The following NALF1 variants were observed in gnomAD, a reference collection of about 807,000 sequenced individuals.
NALF1 encodes family with sequence similarity 155 member A.
NALF1 carries 3 observed loss-of-function variants against 48.4 expected under a neutral mutation model. The ratio of observed to expected loss-of-function variants is 0.06; its 90% confidence interval spans 0.03 to 0.16. The LOEUF (loss-of-function observed/expected upper bound fraction) is 0.16. Among genes scored for constraint, NALF1 ranks in the 10% least tolerant of loss-of-function variants. The pLI is 1.00. For missense variants in NALF1, 526 were observed against 571.5 expected (o/e 0.92, Z 0.81); for synonymous variants, 262 against 245.7 (o/e 1.07, Z -0.62).
At chr13:107,756,168 T>G (rs1877087486) in intron 1 of NALF1, among the ~76,000 whole-genome samples, 1 of 152,278 alleles carries the variant, frequency 6.6e-6, no homozygotes, top group East Asian at 1.9e-4. Context: ...AATACTAAAT[T>G]ATTATTTCTA....
chr13:107,639,783 T>G (rs1924437), intron 1 of NALF1, among the ~76,000 whole-genome samples: 26,731 of 152,152 alleles, frequency 0.18, 2,576 homozygotes, highest in Middle Eastern at 0.34. Flanking sequence ...CCAGCTCAGG[T>G]CCTTGCTGTG....
In NALF1 at chr13:107,253,223, T is replaced by A. The variant is rs565488069; in HGVS notation, c.916-42468A>T. 2.6e-5 allele frequency among the ~76,000 whole-genome samples: 4 copies of A among 152,126 alleles called. No homozygotes were observed. The East Asian group carries it at 7.7e-4, about 29-fold the overall frequency. On this transcript the variant is annotated intron_variant, in intron 1 of 2. Transcript: ENST00000375915. ...CCTTCTTTCCTTGTTCCTTCTTATA[T>A]ACTTTCAGAGTTATTTCTTATTTCC... is the stretch of plus-strand genomic sequence containing the variant.
chr13:107,178,682 G>C (rs1330141062), intron 2 of NALF1, among the ~76,000 whole-genome samples: 1 of 152,132 alleles, frequency 6.6e-6, no homozygotes, highest in South Asian at 2.1e-4. Context: ...GGTGGCTCAC[G>C]CACCTAATCC....
In NALF1 at chr13:107,618,877, A is replaced by G. The variant is rs148922539; in HGVS notation, c.915+246805T>C. Among the ~76,000 whole-genome samples, 8 of 152,318 alleles carry G rather than the reference A, an allele frequency of 5.3e-5. No individual in the cohort carries two copies. In the East Asian group the frequency reaches 1.2e-3, roughly 22 times the overall value. The stretch of plus-strand genomic sequence containing the variant: ...TTTGGAGATGGGCTAAGATATAGGA[A>G]CAATAGCAAAAGCTAAACAACATAT... On this transcript the variant is annotated intron_variant, in intron 1 of 2. Transcript: ENST00000375915.
At chr13:107,674,759 C>G (rs374886316) in intron 1 of NALF1, among the ~76,000 whole-genome samples, 3 of 152,252 alleles carry the variant, frequency 2.0e-5, no homozygotes, top group East Asian at 3.9e-4. Flanking sequence ...AACACCATTT[C>G]AAAAGCATAG....
chr13:107,711,889 C>T (rs1411031794), intron 1 of NALF1, among the ~76,000 whole-genome samples: 3 of 152,106 alleles, frequency 2.0e-5, no homozygotes. Context: ...TGCTTGATAA[C>T]AACAGACTAG....
intron 1 of NALF1, among the ~76,000 whole-genome samples, chr13:107,741,294 C>T (rs895564482): frequency 1.3e-5 from 2 of 152,150 alleles, no homozygotes; most frequent in African/African-American, 2.4e-5. Context: ...AAAGTATTTT[C>T]CTACCCTAAT....
intron 1 of NALF1, among the ~76,000 whole-genome samples, chr13:107,851,955 T>C (rs1221528792): frequency 6.6e-6 from 1 of 151,324 alleles, no homozygotes; most frequent in Admixed American, 6.6e-5. Context: ...ACTCAGTGCA[T>C]GCCACCATGC....
At chr13:107,459,411 C>A (rs931811277) in intron 1 of NALF1, among the ~76,000 whole-genome samples, 1 of 150,190 alleles carries the variant, frequency 6.7e-6, no homozygotes, top group Admixed American at 6.6e-5. Flanking sequence ...ATATATAAGG[C>A]CTGTTTTGTT....
chr13:107,236,210 C>A (rs1223350747), intron 1 of NALF1, among the ~76,000 whole-genome samples: 1 of 152,106 alleles, frequency 6.6e-6, no homozygotes, highest in East Asian at 1.9e-4. Flanking sequence ...TTGTAGGTCA[C>A]AACATTCTGT....
intron 1 of NALF1, among the ~76,000 whole-genome samples, chr13:107,626,960 T>A (rs1879690875): frequency 6.6e-6 from 1 of 152,128 alleles, no homozygotes; most frequent in African/African-American, 2.4e-5. Flanking sequence ...CAATGATGAA[T>A]TTGAAAAGCT....
chr13:107,458,135 T>C (rs1272349735), intron 1 of NALF1, among the ~76,000 whole-genome samples: 2 of 152,214 alleles, frequency 1.3e-5, no homozygotes, highest in Non-Finnish European at 2.9e-5. Context: ...TCATGCTAAT[T>C]TCCTGCTGCA....
At chr13:107,577,771 C>T (rs1878195158) in intron 1 of NALF1, among the ~76,000 whole-genome samples, 1 of 152,126 alleles carries the variant, frequency 6.6e-6, no homozygotes, top group Admixed American at 6.5e-5. Flanking sequence ...AGCCCATAAG[C>T]TTCTTAAATG....
chr13:107,469,055 T>C (rs1885053669), intron 1 of NALF1, among the ~76,000 whole-genome samples: 1 of 152,152 alleles, frequency 6.6e-6, no homozygotes, highest in Non-Finnish European at 1.5e-5. Flanking sequence ...AGGTTTTACT[T>C]TTACCGATAT....
chr13:107,489,901 AC>A (rs1566363369), intron 1 of NALF1, among the ~76,000 whole-genome samples: 1 of 152,204 alleles, frequency 6.6e-6, no homozygotes, highest in Non-Finnish European at 1.5e-5. Context: ...CAAGAAAAAA[AC>A]AACTCCATAA....
At chr13:107,459,901 C>T (rs1884889974) in intron 1 of NALF1, among the ~76,000 whole-genome samples, 1 of 152,044 alleles carries the variant, frequency 6.6e-6, no homozygotes, top group Non-Finnish European at 1.5e-5. Flanking sequence ...GCCACCACAC[C>T]CAGCTAATTT....
intron 1 of NALF1, among the ~76,000 whole-genome samples, chr13:107,275,774 A>G (rs1881267993): frequency 6.6e-6 from 1 of 152,202 alleles, no homozygotes; most frequent in African/African-American, 2.4e-5. Context: ...CTGAAATTCA[A>G]GGTTGTCAGG....
chr13:107,788,501 C>T (rs1421914092), intron 1 of NALF1: 1 of 152,298 alleles, frequency 6.6e-6, no homozygotes, highest in African/African-American at 2.4e-5. Context: ...CCTCTCTCTT[C>T]CCATGGCCAA....
At chr13:107,540,049 TACAC>T (rs143201791) in intron 1 of NALF1, among the ~76,000 whole-genome samples, 2 of 149,414 alleles carry the variant, frequency 1.3e-5, no homozygotes, top group African/African-American at 4.9e-5. Flanking sequence ...GCTTCTGATG[TACAC>T]ACACACACAC....
Sources: gnomAD v4.1 joint callset for allele counts (sites outside exome capture counted in the v4.1 genomes callset) on GRCh38, gnomAD v4.1.1 for gene constraint, MANE v1.5 for transcripts, NCBI Gene and HGNC (gene_info 2026-07-23, HGNC 2026-07-21) for gene names.